AADACL3: variants seen among roughly 807,000 people sequenced by gnomAD.
The protein encoded by AADACL3 is arylacetamide deacetylase-like 3.
AADACL3 carries 13 observed loss-of-function variants against 13.6 expected under a neutral mutation model. The ratio of observed to expected loss-of-function variants is 0.95; its 90% CI spans 0.62 to 1.52. The LOEUF (loss-of-function observed/expected upper bound fraction) is 1.52. Ranked by LOEUF, AADACL3 falls within the 40% of genes most tolerant of loss-of-function variation. The pLI, the probability that AADACL3 is intolerant of heterozygous loss-of-function variation, is 0.00. For missense variants in AADACL3, 519 were observed against 499.2 expected (o/e 1.04, Z -0.38); for synonymous variants, 195 against 197.0 (o/e 0.99, Z 0.08).
Position 12,725,693 on chromosome 1 carries a change from G to C in AADACL3, c.921G>C (p.Met307Ile), listed in dbSNP as rs3000931. The C allele has an allele frequency of 2.5e-6, 4 of 1,614,158 alleles. No individual in the cohort carries two copies. The highest frequency in any genetic ancestry group is 3.4e-6 in the Non-Finnish European group (4 of 1,180,046). The change falls in exon 4 of 4, where the codon ATG becomes ATC. Residue 307 changes from methionine to isoleucine, a missense_variant. Physicochemically the swap from Met to Ile is conservative, Grantham distance 10. Transcript: ENST00000359318. ...RGYQLKPHEPMNEAAYLEVSV... is the reference protein window; with the variant it reads ...RGYQLKPHEPINEAAYLEVSV... ...ACCAACTGAAGCCCCATGAGCCCAT[G>C]AATGAAGCTGCTTACTTGGAAGTAA...
chr1:12,721,004 A>T, intron 3 of AADACL3, 58 bp downstream of exon 3: 1 of 684,644 alleles, frequency 1.5e-6, no homozygotes, highest in South Asian at 1.7e-5. Flanking sequence ...ATGTGGAGAG[A>T]TGGGGTGAGA....
rs1638419788 is a variant in AADACL3 at position 12,728,615 on chromosome 1, GTA to G, written c.*2621_*2622del. ...GCTTCCTCCCACATTCCAAAGATGT[GTA>G]TGTTACATTCATGGGAATGTCTAAA... On this transcript the variant is annotated 3_prime_UTR_variant, in exon 4 of 4. Coordinates refer to ENST00000359318, the MANE Select transcript of AADACL3 (RefSeq NM_001103170.3). 6.6e-6 allele frequency: 1 copy of G among 152,284 alleles called. No homozygotes were observed. Among genetic ancestry groups the G allele is most frequent in the South Asian group, 2.1e-4 (1 of 4,830 alleles). The allele number at this position is 152,284 out of a possible 1,614,324, so 9.4% of individuals were successfully genotyped here.
chr1:12,725,143 T>A (rs1056691674), intron 3 of AADACL3, 79 bp from the exon 4 acceptor site: 2 of 1,436,822 alleles, frequency 1.4e-6, no homozygotes, highest in South Asian at 2.7e-5. Flanking sequence ...AATGGACTAA[T>A]TTGGGCTAAA....
Position 12,725,889 on chromosome 1 carries a change from G to C in AADACL3, c.1117G>C (p.Glu373Gln). 1 of 1,614,178 alleles carries C rather than the reference G, an allele frequency of 6.2e-7. No individual in the cohort carries two copies. Among genetic ancestry groups the C allele is most frequent in the Non-Finnish European group, 8.5e-7 (1 of 1,180,032 alleles). The change falls in exon 4 of 4, where the codon GAG becomes CAG. Residue 373 changes from glutamate to glutamine, a missense_variant. Physicochemically the swap from Glu to Gln is conservative, Grantham distance 29 (BLOSUM62 2). Coordinates refer to ENST00000359318, the MANE Select transcript of AADACL3 (RefSeq NM_001103170.3). ...AGTGCCCGTGACCTGGCACCATATG[G>C]AGGATGGTTTCCATGGAGTGCTCAG... ...LGVPVTWHHM[E>Q]DGFHGVLRTI...
intron 3 of AADACL3, among the ~76,000 whole-genome samples, chr1:12,722,015 C>T (rs2100212174): frequency 6.6e-6 from 1 of 152,282 alleles, no homozygotes; most frequent in Middle Eastern, 3.4e-3. Context: ...TCTTGTGGCA[C>T]AGCTACCTGA....
At chr1:12,716,447 G>T (rs1024387533) in intron 1 of AADACL3, 103 bp downstream of exon 1, 1 of 1,477,888 alleles carries the variant, frequency 6.8e-7, no homozygotes, top group African/African-American at 1.4e-5. Context: ...CCGGTATCAT[G>T]GGGCCTGCAG....
chr1:12,719,618 C>T lies in AADACL3; in HGVS notation c.312C>T (p.Pro104=). The change falls in exon 2 of 4, where the codon CCC becomes CCT. Residue 104 remains proline (P), a synonymous_variant. Transcript: ENST00000359318. ...CAATCCCTGTGAAGCTGTACCAACC[C>T]AAGGCATCCACCTGCACCCTGAAGC... ...FGTIPVKLYQ[P]KASTCTLKPG... The T allele has an allele frequency of 1.2e-6, 2 of 1,614,160 alleles. No individual in the cohort carries two copies. The highest frequency in any genetic ancestry group is 1.7e-6 in the Non-Finnish European group (2 of 1,180,024).
chr1:12,727,546 G>C lies in AADACL3; in HGVS notation c.*1550G>C, dbSNP rs1472103881. The C allele has an allele frequency of 7.9e-5, 12 of 152,250 alleles. No homozygotes were observed. The highest frequency in any genetic ancestry group is 2.7e-4 in the African/African-American group (11 of 41,450). 9.4% of individuals were successfully genotyped at this position (152,250 alleles called of 1,614,324 possible). On this transcript the variant is annotated 3_prime_UTR_variant, in exon 4 of 4. Coordinates refer to ENST00000359318, the MANE Select transcript of AADACL3 (RefSeq NM_001103170.3). ...TGGTCTTCTGGAGGCTCTGATCTTG[G>C]TTGGTTAGTGGTCTTTACAGGCCAA...
At chr1:12,723,555 G>A (rs1204029736) in intron 3 of AADACL3, among the ~76,000 whole-genome samples, 1 of 152,172 alleles carries the variant, frequency 6.6e-6, no homozygotes, top group Non-Finnish European at 1.5e-5. Context: ...TCAGCTCACT[G>A]CAACCTCTGC....
At chr1:12,721,551 G>A (rs1242908794) in intron 3 of AADACL3, among the ~76,000 whole-genome samples, 4 of 152,178 alleles carry the variant, frequency 2.6e-5, no homozygotes. Flanking sequence ...AAGCTGGGTA[G>A]GAGGTGGTCT....
At chr1:12,720,019 T>A (rs10864578) in intron 2 of AADACL3, among the ~76,000 whole-genome samples, 52,505 of 152,048 alleles carry the variant, frequency 0.35, 9,696 homozygotes, top group African/African-American at 0.49. Context: ...ACATGTATAT[T>A]TCACTATTTT....
rs952163319 is a variant in AADACL3, at chr1:12,728,343, A to G, written c.*2347A>G. ...CCAGACCACAGCAATAAAGCAAGTC[A>G]CATGAATTTTTTGCTTTCCTTAGTG... is the stretch of plus-strand genomic sequence containing the variant. On this transcript the variant is annotated 3_prime_UTR_variant, in exon 4 of 4. Coordinates refer to ENST00000359318, the MANE Select transcript of AADACL3 (RefSeq NM_001103170.3). 5 of 152,364 alleles carry G rather than the reference A, an allele frequency of 3.3e-5. No homozygotes were observed. The highest frequency in any genetic ancestry group is 3.4e-3 in the Middle Eastern group (1 of 294). The allele number at this position is 152,364 out of a possible 1,614,324, so 9.4% of individuals were successfully genotyped here. A position where few individuals can be genotyped will look rare whatever the true frequency, so the allele number is the denominator to read the frequency against.
rs890791698 is a variant in AADACL3, at chr1:12,725,595, G to A, written c.823G>A (p.Ala275Thr). 6.2e-7 allele frequency: 1 copy of A among 1,613,952 alleles called. No individual in the cohort carries two copies. Among genetic ancestry groups the A allele is most frequent in the Non-Finnish European group, 8.5e-7 (1 of 1,180,026 alleles). ...EVIMKGAHLP[A>T]EVWEKYRKWL... The stretch of plus-strand genomic sequence containing the variant: ...CATCATGAAAGGTGCCCATTTGCCT[G>A]CTGAAGTCTGGGAAAAGTACAGAAA... Residue 275 changes from alanine to threonine, a missense_variant, in exon 4 of 4, where the codon GCT (alanine) becomes ACT (threonine). Ala to Thr is a moderately conservative substitution (Grantham distance 58). Transcript: ENST00000359318.
In AADACL3 at chr1:12,728,156, C is replaced by G. The variant is rs572718911; in HGVS notation, c.*2160C>G. 1 of 152,288 alleles carries G rather than the reference C, an allele frequency of 6.6e-6. No homozygotes were observed. Among genetic ancestry groups the G allele is most frequent in the East Asian group, 1.9e-4 (1 of 5,186 alleles). The allele number at this position is 152,288 out of a possible 1,614,324, so 9.4% of individuals were successfully genotyped here. A position where few individuals can be genotyped will look rare whatever the true frequency, so the allele number is the denominator to read the frequency against. On this transcript the variant is annotated 3_prime_UTR_variant, in exon 4 of 4. Transcript: ENST00000359318. ...CACTATCCTTCCTGCAATACATCCA[C>G]GAGACTCACTGAGTGGAAAAGGGAT...
chr1:12,721,254 T>C (rs1638252987), intron 3 of AADACL3, among the ~76,000 whole-genome samples: 1 of 151,956 alleles, frequency 6.6e-6, no homozygotes, highest in African/African-American at 2.4e-5. Context: ...ATACAAAAAT[T>C]AGCCAGGTGT....
chr1:12,721,506 G>A (rs996427929), intron 3 of AADACL3, among the ~76,000 whole-genome samples: 7 of 152,180 alleles, frequency 4.6e-5, no homozygotes, highest in Non-Finnish European at 1.0e-4. Flanking sequence ...TGTGGGCCTT[G>A]GGTTTGTTTA....
At position 12,725,731 on chromosome 1, in the gene AADACL3, A is replaced by T; in HGVS notation, c.959A>T (p.Asp320Val). Reference protein sequence around the residue: ...AAYLEVSVVLDVMCSPLIAED... With the variant: ...AAYLEVSVVLVVMCSPLIAED... ...TACTTGGAAGTAAGTGTTGTCCTGG[A>T]TGTGATGTGCTCGCCCCTGATTGCA... The change falls in exon 4 of 4, where the codon GAT (aspartate) becomes GTT (valine). Residue 320 changes from aspartate to valine, a missense_variant. Coordinates refer to ENST00000359318, the MANE Select transcript of AADACL3 (RefSeq NM_001103170.3). The T allele has an allele frequency of 6.2e-7, 1 of 1,614,120 alleles. No homozygotes were observed. Among genetic ancestry groups the T allele is most frequent in the Non-Finnish European group, 8.5e-7 (1 of 1,180,018 alleles).
Position 12,727,091 on chromosome 1 carries a change from C to T in AADACL3, c.*1095C>T, listed in dbSNP as rs529855275. 5.3e-5 allele frequency: 8 copies of T among 152,352 alleles called. No individual in the cohort carries two copies. Among genetic ancestry groups the T allele is most frequent in the African/African-American group, 1.9e-4 (8 of 41,566 alleles). The allele number at this position is 152,352 out of a possible 1,614,324, so 9.4% of individuals were successfully genotyped here. ...TGAGCAGCTTCATGCCTACCTTCCT[C>T]CAGGGTCAAGTTCATTATCATGGAC... On this transcript the variant is annotated 3_prime_UTR_variant, in exon 4 of 4. Coordinates refer to ENST00000359318, the MANE Select transcript of AADACL3 (RefSeq NM_001103170.3).
chr1:12,727,703 G>A lies in AADACL3; in HGVS notation c.*1707G>A, dbSNP rs1249892051. 6.6e-6 allele frequency: 1 copy of A among 152,252 alleles called. No homozygotes were observed. Among genetic ancestry groups the A allele is most frequent in the Non-Finnish European group, 1.5e-5 (1 of 68,056 alleles). The allele number at this position is 152,252 out of a possible 1,614,324, so 9.4% of individuals were successfully genotyped here. ...TGCTGCATTCGCAGTTGACCAGCATGGGGTTTGTTGGAGAAATAGGAACCA... is the reference window on the plus strand; with the variant it reads ...TGCTGCATTCGCAGTTGACCAGCATAGGGTTTGTTGGAGAAATAGGAACCA... On this transcript the variant is annotated 3_prime_UTR_variant, in exon 4 of 4. Transcript: ENST00000359318.
Sources: gnomAD v4.1 joint callset for allele counts (sites outside exome capture counted in the v4.1 genomes callset) on GRCh38, gnomAD v4.1.1 for gene constraint, MANE v1.5 for transcripts, NCBI Gene and HGNC (gene_info 2026-07-23, HGNC 2026-07-21) for gene names.